Variants in USP49 observed in about 807,000 individuals in gnomAD.
USP49 encodes the protein ubiquitin carboxyl-terminal hydrolase 49.
USP49 carries 24 observed loss-of-function variants against 58.6 expected under a neutral mutation model. The observed-to-expected ratio is 0.41, with a 90% CI of 0.30 to 0.58. The LOEUF is 0.58. USP49 is among the 20% of genes least tolerant of loss of function. USP49 has a pLI of 0.30. For missense variants in USP49, 703 were observed against 866.1 expected (o/e 0.81, Z 2.36); for synonymous variants, 408 against 365.1 (o/e 1.12, Z -1.34).
rs1256574118 is a variant in USP49 at position 41,791,523 on chromosome 6, G to A, written c.*5010C>T. 6.6e-6 allele frequency: 1 copy of A among 152,234 alleles called. No individual in the cohort carries two copies. The highest frequency in any genetic ancestry group is 1.5e-5 in the Non-Finnish European group (1 of 68,040). 9.4% of individuals were successfully genotyped at this position (152,234 alleles called of 1,614,324 possible). A position where few individuals can be genotyped will look rare whatever the true frequency, so the allele number is the denominator to read the frequency against. On this transcript the variant is annotated 3_prime_UTR_variant, in exon 8 of 8. Coordinates refer to ENST00000682992, the MANE Select transcript of USP49 (RefSeq NM_001286554.2). ...ATGAGTAATCACTAATTCTGTAAAT[G>A]AAGGAGTTGGACTTCACTATTGCCA...
intron 3 of USP49, among the ~76,000 whole-genome samples, chr6:41,821,883 T>C (rs1358973725): frequency 6.6e-6 from 1 of 152,146 alleles, no homozygotes. Flanking sequence ...ATCCAATATT[T>C]TTGTTTTTCT....
intron 2 of USP49, among the ~76,000 whole-genome samples, chr6:41,880,453 A>G (rs775732771): frequency 3.3e-5 from 5 of 152,206 alleles, no homozygotes; most frequent in Non-Finnish European, 7.3e-5. Context: ...AGCGTCCAGC[A>G]TAACAGACAA....
At chr6:41,808,178 TCTGA>T (rs1773177147) in intron 3 of USP49, among the ~76,000 whole-genome samples, 1 of 152,098 alleles carries the variant, frequency 6.6e-6, no homozygotes, top group African/African-American at 2.4e-5. Context: ...ACTGGACAAA[TCTGA>T]CTTAGGACAA....
intron 3 of USP49, among the ~76,000 whole-genome samples, chr6:41,858,901 C>T (rs1192030293): frequency 6.6e-6 from 1 of 152,156 alleles, no homozygotes; most frequent in East Asian, 1.9e-4. Flanking sequence ...AGACGATAAG[C>T]TCCATGAGGG....
At chr6:41,856,632 T>C (rs1471009998) in intron 3 of USP49, among the ~76,000 whole-genome samples, 3 of 152,172 alleles carry the variant, frequency 2.0e-5, no homozygotes, top group Non-Finnish European at 2.9e-5. Flanking sequence ...GCACCTGATA[T>C]ATTTATTTCT....
At chr6:41,852,556 A>G (rs555252344) in intron 3 of USP49, among the ~76,000 whole-genome samples, 36 of 152,326 alleles carry the variant, frequency 2.4e-4, no homozygotes, top group Non-Finnish European at 4.4e-5. Context: ...AAGACTATAA[A>G]ACATTGTGGA....
intron 2 of USP49, among the ~76,000 whole-genome samples, chr6:41,883,809 G>C (rs1415887686): frequency 6.6e-6 from 1 of 151,776 alleles, no homozygotes; most frequent in African/African-American, 2.4e-5. Context: ...GCCACTCCTG[G>C]GTCTGTGCCC....
intron 2 of USP49, among the ~76,000 whole-genome samples, chr6:41,883,221 G>A (rs1295121889): frequency 6.6e-6 from 1 of 151,786 alleles, no homozygotes; most frequent in Non-Finnish European, 1.5e-5. Context: ...AGGTGTGGTG[G>A]CACACACCTG....
At chr6:41,807,662 G>C (rs1581994463) in intron 3 of USP49, among the ~76,000 whole-genome samples, 1 of 151,814 alleles carries the variant, frequency 6.6e-6, no homozygotes, top group Non-Finnish European at 1.5e-5. Context: ...GGTTGGTCTC[G>C]AACTCCTGAC....
At chr6:41,849,003 A>C (rs1035296156) in intron 3 of USP49, among the ~76,000 whole-genome samples, 10 of 152,146 alleles carry the variant, frequency 6.6e-5, no homozygotes, top group Non-Finnish European at 1.5e-4. Context: ...TGGGCCAGTA[A>C]TTAACTTTAA....
intron 5 of USP49, among the ~76,000 whole-genome samples, chr6:41,802,885 C>T (rs554362514): frequency 1.2e-4 from 19 of 152,216 alleles, no homozygotes; most frequent in South Asian, 4.1e-4. Flanking sequence ...GAAATACTTC[C>T]GTATGACCCT....
At chr6:41,819,309 C>T (rs905370348) in intron 3 of USP49, among the ~76,000 whole-genome samples, 2 of 151,918 alleles carry the variant, frequency 1.3e-5, no homozygotes, top group Non-Finnish European at 2.9e-5. Context: ...CTAATGGCTC[C>T]CTGTTCTCTA....
chr6:41,819,139 A>G (rs370381107), intron 3 of USP49, among the ~76,000 whole-genome samples: 1 of 151,952 alleles, frequency 6.6e-6, no homozygotes, highest in African/African-American at 2.4e-5. Context: ...GGATAAATAA[A>G]CCCCCAAACA....
chr6:41,855,689 ACCTTTTTTCAGTC>A (rs904214596), intron 3 of USP49, among the ~76,000 whole-genome samples: 26 of 152,154 alleles, frequency 1.7e-4, no homozygotes, highest in Non-Finnish European at 3.2e-4. Context: ...ATTTAAAGCT[ACCTTTTTTCAGTC>A]CCTTTTTTCA....
At chr6:41,888,048 C>CTTTTT (rs35468035) in intron 2 of USP49, among the ~76,000 whole-genome samples, 70 of 85,494 alleles carry the variant, frequency 8.2e-4, no homozygotes, top group East Asian at 1.2e-3. Flanking sequence ...TCACAATCAG[C>CTTTTT]TTTTTTTTTT....
At chr6:41,822,598 A>G (rs1773470357) in intron 3 of USP49, among the ~76,000 whole-genome samples, 1 of 152,180 alleles carries the variant, frequency 6.6e-6, no homozygotes, top group Non-Finnish European at 1.5e-5. Flanking sequence ...CTGTAATCCT[A>G]GCACTTTGGG....
At chr6:41,860,602 G>A (rs1233356832) in intron 3 of USP49, among the ~76,000 whole-genome samples, 1 of 151,990 alleles carries the variant, frequency 6.6e-6, no homozygotes, top group African/African-American at 2.4e-5. Context: ...CCACTTCCCG[G>A]GTTCAAGTGA....
chr6:41,815,352 C>T (rs1451774208), intron 3 of USP49, among the ~76,000 whole-genome samples: 2 of 151,150 alleles, frequency 1.3e-5, no homozygotes, highest in East Asian at 2.0e-4. Flanking sequence ...ACCTGGGAGG[C>T]GGAGCTTCCA....
chr6:41,820,044 C>A (rs1467702615), intron 3 of USP49, among the ~76,000 whole-genome samples: 5 of 152,136 alleles, frequency 3.3e-5, no homozygotes, highest in African/African-American at 1.2e-4. Context: ...TATCAGAAAC[C>A]TAGAGACACA....
Sources: gnomAD v4.1 joint callset for allele counts (sites outside exome capture counted in the v4.1 genomes callset) on GRCh38, gnomAD v4.1.1 for gene constraint, MANE v1.5 for transcripts, NCBI Gene and HGNC (gene_info 2026-07-23, HGNC 2026-07-21) for gene names.